SNX8: variants seen among roughly 807,000 people sequenced by gnomAD.
SNX8 encodes sorting nexin-8.
SNX8 carries 25 observed loss-of-function variants against 51.6 expected under a neutral mutation model. The observed-to-expected ratio is 0.48, with a 90% CI of 0.35 to 0.68. The LOEUF is 0.68. Ranked by LOEUF, SNX8 falls within the 30% of genes least tolerant of loss-of-function variation. SNX8 has a pLI of 0.00. For synonymous variants in SNX8, 324 were observed against 277.0 expected, an observed-to-expected ratio of 1.17 and a Z score of -1.68; for missense variants, 695 against 624.0, an observed-to-expected ratio of 1.11 and a Z score of -1.21.
chr7:2,277,043 T>C (rs182715454), intron 2 of SNX8, among the ~76,000 whole-genome samples: 1 of 152,382 alleles, frequency 6.6e-6, no homozygotes, highest in African/African-American at 2.4e-5. Context: ...CGGCCGGGGC[T>C]GGGCCAGGGC....
intron 1 of SNX8, among the ~76,000 whole-genome samples, chr7:2,301,682 G>A (rs1404823014): frequency 6.6e-6 from 1 of 152,178 alleles, no homozygotes; most frequent in Non-Finnish European, 1.5e-5. Context: ...GTGTTGCCAT[G>A]GTGATGGTAA....
At position 2,275,136 on chromosome 7, in the gene SNX8, G is replaced by A. The variant is rs374504040; in HGVS notation, c.394C>T (p.Leu132=). 48 of 1,613,430 alleles carry A rather than the reference G, an allele frequency of 3.0e-5. No individual in the cohort carries two copies. The highest frequency in any genetic ancestry group is 3.8e-5 in the Non-Finnish European group (45 of 1,179,454). The change falls in exon 3 of 11, where the codon CTG becomes TTG. Residue 132 remains leucine (L), a synonymous_variant. Transcript: ENST00000222990. Reference sequence around the variant, plus strand: ...CCTCCCAGCATTCTCTTGGGTGGCAGGGCAGGCACCATACGGTAGGGGAAC... The same window carrying A: ...CCTCCCAGCATTCTCTTGGGTGGCAAGGCAGGCACCATACGGTAGGGGAAC... ...HKFPYRMVPA[L]PPKRMLGADR... is the part of the protein sequence containing the mutation.
chr7:2,314,537 A>G (rs1303452360), upstream of SNX8: 90 of 987,772 alleles, frequency 9.1e-5, no homozygotes, highest in Admixed American at 1.9e-4. Context: ...CCCGCGCGCC[A>G]CGCCCACAGT....
intron 1 of SNX8, among the ~76,000 whole-genome samples, chr7:2,339,886 T>C (rs1241668158): frequency 1.3e-5 from 2 of 152,144 alleles, no homozygotes; most frequent in Non-Finnish European, 2.9e-5. Flanking sequence ...CTGCACGTGG[T>C]AGATAACAGA....
At position 2,303,535 on chromosome 7, in the gene SNX8, T is replaced by G. The variant is rs569224207; in HGVS notation, c.94+10793A>C. ...AAGGGCGGGAAAGGTGGGGAAAAGA[T>G]TGAGAAATCGGATGGTTGCCGTGTC... On this transcript the variant is annotated intron_variant, in intron 1 of 10. Coordinates refer to ENST00000222990, the MANE Select transcript of SNX8 (RefSeq NM_013321.4). Among the ~76,000 whole-genome samples, 178 of 152,320 alleles carry G rather than the reference T, an allele frequency of 1.2e-3. 1 individual carries two copies. The highest frequency in any genetic ancestry group is 4.2e-3 in the African/African-American group (175 of 41,582).
In SNX8 at chr7:2,263,186, G is replaced by C. The variant is rs111458478; in HGVS notation, c.915+44C>G. On this transcript the variant is annotated intron_variant, in intron 7 of 10. Coordinates refer to ENST00000222990, the MANE Select transcript of SNX8 (RefSeq NM_013321.4). Reference sequence around the variant, plus strand: ...GAGGCACTCCCCATGCAAAGGCATAGCGTGTTCTCTGGAACAGGCGCCTGG... The same window carrying C: ...GAGGCACTCCCCATGCAAAGGCATACCGTGTTCTCTGGAACAGGCGCCTGG... 439 of 1,608,922 alleles carry C rather than the reference G, an allele frequency of 2.7e-4. 5 individuals carry two copies. The African/African-American group carries it at 5.1e-3, about 19-fold the overall frequency.
chr7:2,325,372 A>G (rs1778604177), intron 1 of SNX8, among the ~76,000 whole-genome samples: 1 of 152,210 alleles, frequency 6.6e-6, no homozygotes, highest in Non-Finnish European at 1.5e-5. Flanking sequence ...GTTACTAGAA[A>G]TAGGGAAGTT....
At chr7:2,291,782 C>T (rs551654219) in intron 1 of SNX8, among the ~76,000 whole-genome samples, 1 of 152,174 alleles carries the variant, frequency 6.6e-6, no homozygotes, top group Non-Finnish European at 1.5e-5. Context: ...CCTTCACACT[C>T]CTACAACTGG....
At chr7:2,293,966 CA>C (rs147695305) in intron 1 of SNX8, among the ~76,000 whole-genome samples, 52 of 137,988 alleles carry the variant, frequency 3.8e-4, no homozygotes, top group Non-Finnish European at 2.5e-4. Flanking sequence ...AACTCTGTCT[CA>C]AAAAAAAAAA....
At chr7:2,270,256 C>T (rs1039798348) in intron 4 of SNX8, among the ~76,000 whole-genome samples, 1 of 123,486 alleles carries the variant, frequency 8.1e-6, no homozygotes, top group African/African-American at 3.1e-5. Flanking sequence ...TTTGCGTGTC[C>T]AGGAATTCTC....
chr7:2,267,326 CTCCCCCTCTCCCTCTCCCTCACCCCACAG>C (rs1795490674), intron 5 of SNX8, among the ~76,000 whole-genome samples: 1 of 142,916 alleles, frequency 7.0e-6, no homozygotes, highest in African/African-American at 2.6e-5. Flanking sequence ...CCCCCTCCCC[CTCCCCCTCTCCCTCTCCCTCACCCCACAG>C]TCTCCCTCTC....
At position 2,309,855 on chromosome 7, in the gene SNX8, A is replaced by G. The variant is rs930757490; in HGVS notation, c.94+4473T>C. The G allele has an allele frequency of 8.5e-6, 4 of 471,122 alleles. No individual in the cohort carries two copies. The Admixed American group carries it at 9.4e-5, about 11-fold the overall frequency. The allele number at this position is 471,122 out of a possible 1,614,324, so 29.2% of individuals were successfully genotyped here. On this transcript the variant is annotated intron_variant, in intron 1 of 10. Coordinates refer to ENST00000222990, the MANE Select transcript of SNX8 (RefSeq NM_013321.4). The stretch of plus-strand genomic sequence containing the variant: ...AAGGGTTGATGGGAGCCCAGGGTGC[A>G]TGGAAGTCGCCCAGGCAAGAGGGGA...
intron 1 of SNX8, among the ~76,000 whole-genome samples, chr7:2,282,703 G>A (rs62442530): frequency 0.15 from 22,549 of 152,180 alleles, 2,025 homozygotes; most frequent in Middle Eastern, 0.26. Context: ...TTGGCCGGGC[G>A]CAGTGGCTCA....
At chr7:2,339,879 C>T (rs1268957840) in intron 1 of SNX8, among the ~76,000 whole-genome samples, 4 of 152,028 alleles carry the variant, frequency 2.6e-5, no homozygotes, top group Non-Finnish European at 4.4e-5. Context: ...GTATTTTCTG[C>T]ACGTGGTAGA....
At chr7:2,304,714 A>G (rs1294774808) in intron 1 of SNX8, among the ~76,000 whole-genome samples, 1 of 152,160 alleles carries the variant, frequency 6.6e-6, no homozygotes, top group Non-Finnish European at 1.5e-5. Flanking sequence ...TAGCCAAGGA[A>G]GGAAGGCTAA....
chr7:2,277,234 A>C (rs1476123875), intron 2 of SNX8, among the ~76,000 whole-genome samples: 2 of 152,226 alleles, frequency 1.3e-5, no homozygotes, highest in Non-Finnish European at 2.9e-5. Context: ...AGGGACAGAG[A>C]GAGCCACGGT....
In SNX8 at chr7:2,342,315, T is replaced by G. The variant is rs897592940; in HGVS notation, c.-66+11907A>C. On this transcript the variant is annotated intron_variant, in intron 1 of 5. Coordinates refer to the SNX8 transcript ENST00000435336. ...CAAGATGGATAAATCTCAAAAGCAC[T>G]GATTGCATGTATTAGTAATAATAAT... 3.3e-5 allele frequency among the ~76,000 whole-genome samples: 5 copies of G among 151,924 alleles called. No individual in the cohort carries two copies. In the East Asian group the frequency reaches 5.8e-4, roughly 18 times the overall value.
In SNX8 at chr7:2,336,657, G is replaced by A. The variant is rs182354098; in HGVS notation, c.-66+17565C>T. On this transcript the variant is annotated intron_variant, in intron 1 of 5. Coordinates refer to the SNX8 transcript ENST00000435336. Reference sequence around the variant, plus strand: ...CGGGAGGCGGAGGTTGCAGTGAGCCGAGATTGCGTCACTGCACTCTAGCCT... The same window carrying A: ...CGGGAGGCGGAGGTTGCAGTGAGCCAAGATTGCGTCACTGCACTCTAGCCT... Among the ~76,000 whole-genome samples, 881 of 152,080 alleles carry A rather than the reference G, an allele frequency of 5.8e-3. 6 individuals carry two copies. The highest frequency in any genetic ancestry group is 0.016 in the African/African-American group (672 of 41,462).
intron 1 of SNX8, among the ~76,000 whole-genome samples, chr7:2,282,657 C>T (rs1337757644): frequency 6.6e-6 from 1 of 152,208 alleles, no homozygotes; most frequent in Non-Finnish European, 1.5e-5. Context: ...TCGGGCCTCC[C>T]ACCCCAGAGA....
Sources: allele counts gnomAD v4.1 joint callset (sites outside exome capture counted in the v4.1 genomes callset), GRCh38; gene constraint gnomAD v4.1.1; transcripts MANE v1.5; gene names NCBI Gene and HGNC (gene_info 2026-07-23, HGNC 2026-07-21).